The following PRMT9 variants were observed in gnomAD, a reference collection of about 807,000 sequenced individuals.
PRMT9 encodes protein arginine methyltransferase 9.
In PRMT9, 59 loss-of-function variants were observed where a neutral mutation model predicts 83.2. The observed-to-expected ratio is 0.71, with a 90% CI of 0.57 to 0.88. PRMT9 has a LOEUF of 0.88. Ranked by LOEUF, PRMT9 falls within the 40% of genes least tolerant of loss-of-function variation. The pLI is 0.00. For missense variants in PRMT9, 947 were observed against 1,021.9 expected (o/e 0.93, Z 1.00); for synonymous variants, 333 against 353.2 (o/e 0.94, Z 0.64).
intron 1 of PRMT9, among the ~76,000 whole-genome samples, chr4:147,680,998 T>C (rs573354636): frequency 2.2e-4 from 33 of 152,340 alleles, no homozygotes; most frequent in African/African-American, 7.5e-4. Flanking sequence ...ACAATCCTTG[T>C]GCAAAGAACT....
rs761553983 is a variant in PRMT9, at chr4:147,668,542, T to A, written c.950A>T (p.His317Leu). Reference sequence around the variant, plus strand: ...GAAAATGGACTAATACACTTACCTATGATGTCTTCTTATCTCTGCACATTC... The same window carrying A: ...GAAAATGGACTAATACACTTACCTAAGATGTCTTCTTATCTCTGCACATTC... Reference protein sequence around the residue: ...AVECAEIRRHHRVGIKDIAGI... With the variant: ...AVECAEIRRHLRVGIKDIAGI... The change falls in exon 6 of 12, where the codon CAT becomes CTT. Residue 317 changes from histidine to leucine, a missense_variant. Physicochemically the swap from His to Leu is moderately conservative, Grantham distance 99 (BLOSUM62 -3). Coordinates refer to ENST00000322396, the MANE Select transcript of PRMT9 (RefSeq NM_138364.4). 1 of 1,559,428 alleles carries A rather than the reference T, an allele frequency of 6.4e-7. No individual in the cohort carries two copies. Among genetic ancestry groups the A allele is most frequent in the Non-Finnish European group, 8.8e-7 (1 of 1,132,082 alleles).
intron 10 of PRMT9, among the ~76,000 whole-genome samples, chr4:147,640,559 C>T (rs1486729517): frequency 1.3e-5 from 2 of 152,124 alleles, no homozygotes; most frequent in African/African-American, 4.8e-5. Flanking sequence ...CAGCCCAGAG[C>T]TTTCTCTGAA....
intron 2 of PRMT9, among the ~76,000 whole-genome samples, chr4:147,676,841 C>A (rs1578939176): frequency 6.6e-6 from 1 of 151,972 alleles, no homozygotes; most frequent in Non-Finnish European, 1.5e-5. Context: ...GTCAGGAGGT[C>A]GAGACCAGCC....
chr4:147,656,417 C>A (rs1167035291), intron 8 of PRMT9, among the ~76,000 whole-genome samples: 1 of 151,890 alleles, frequency 6.6e-6, no homozygotes, highest in Non-Finnish European at 1.5e-5. Flanking sequence ...CTCAGTGCCC[C>A]AAGTAGCTGG....
At chr4:147,651,748 A>C (rs917226987) in intron 9 of PRMT9, among the ~76,000 whole-genome samples, 2 of 152,198 alleles carry the variant, frequency 1.3e-5, no homozygotes, top group Non-Finnish European at 2.9e-5. Flanking sequence ...GTATGATTTC[A>C]CTTGTTTGAG....
intron 1 of PRMT9, among the ~76,000 whole-genome samples, chr4:147,680,849 T>C (rs1736419118): frequency 6.6e-6 from 1 of 152,260 alleles, no homozygotes; most frequent in Admixed American, 6.5e-5. Flanking sequence ...CATGTGTTAA[T>C]GGATGCTACA....
At chr4:147,672,748 GC>G (rs1470078166) in intron 4 of PRMT9, among the ~76,000 whole-genome samples, 1 of 151,900 alleles carries the variant, frequency 6.6e-6, no homozygotes, top group Non-Finnish European at 1.5e-5. Context: ...TTGATCCCTT[GC>G]CACAAATTTT....
At chr4:147,680,217 T>G (rs1736373490) in intron 2 of PRMT9, 106 bp downstream of exon 2, 1 of 1,035,578 alleles carries the variant, frequency 9.7e-7, no homozygotes, top group Admixed American at 1.8e-5. Context: ...TTCTCCTTAA[T>G]AATTCTCCAT....
intron 2 of PRMT9, among the ~76,000 whole-genome samples, chr4:147,678,468 C>T (rs906012335): frequency 6.6e-6 from 1 of 152,188 alleles, no homozygotes; most frequent in Non-Finnish European, 1.5e-5. Context: ...GAATTCTTCA[C>T]GCACATGTAC....
At chr4:147,643,839 T>C (rs962354944) in intron 9 of PRMT9, among the ~76,000 whole-genome samples, 7 of 151,828 alleles carry the variant, frequency 4.6e-5, no homozygotes, top group African/African-American at 1.4e-4. Flanking sequence ...TACAAATAAA[T>C]AAACTAGCCA....
At chr4:147,664,710 G>A (rs1001009011) in intron 6 of PRMT9, among the ~76,000 whole-genome samples, 2 of 152,052 alleles carry the variant, frequency 1.3e-5, no homozygotes, top group African/African-American at 4.8e-5. Flanking sequence ...CCTAGATGAT[G>A]GGTTGATAGG....
chr4:147,661,419 A>G (rs1158567407), intron 6 of PRMT9: 1 of 175,574 alleles, frequency 5.7e-6, no homozygotes, highest in Non-Finnish European at 1.2e-5. Flanking sequence ...ACACTTCACC[A>G]AAGAACATAT....
chr4:147,660,049 C>T (rs569781386), intron 7 of PRMT9, among the ~76,000 whole-genome samples: 46 of 152,304 alleles, frequency 3.0e-4, no homozygotes, highest in South Asian at 1.7e-3. Context: ...CACCATAATG[C>T]ACATACAACC....
intron 9 of PRMT9, among the ~76,000 whole-genome samples, chr4:147,653,357 G>A (rs1409710373): frequency 5.9e-5 from 9 of 151,898 alleles, no homozygotes; most frequent in African/African-American, 1.2e-4. Flanking sequence ...CAGGAGAATC[G>A]TTTGAACCCA....
chr4:147,681,423 A>G (rs898058427), intron 1 of PRMT9, among the ~76,000 whole-genome samples: 2 of 152,236 alleles, frequency 1.3e-5, no homozygotes, highest in Non-Finnish European at 2.9e-5. Context: ...TCATCTTCAC[A>G]TATTTTATAC....
chr4:147,662,287 C>T (rs1249718073), intron 6 of PRMT9, among the ~76,000 whole-genome samples: 3 of 152,192 alleles, frequency 2.0e-5, no homozygotes, highest in Admixed American at 6.5e-5. Flanking sequence ...ACAAGCAACA[C>T]TAATCTACGG....
rs539568158 is a variant in PRMT9 at position 147,670,529 on chromosome 4, T to G, written c.846+112A>C. On this transcript the variant is annotated intron_variant, in intron 5 of 11. Coordinates refer to ENST00000322396, the MANE Select transcript of PRMT9 (RefSeq NM_138364.4). Reference sequence around the variant, plus strand: ...TTTCCAACCACACAGTATGTACACCTTGGCAATGGAAAATATATTTCATAT... The same window carrying G: ...TTTCCAACCACACAGTATGTACACCGTGGCAATGGAAAATATATTTCATAT... 9 of 853,356 alleles carry G rather than the reference T, an allele frequency of 1.1e-5. No homozygotes were observed. The South Asian group carries it at 1.2e-4, about 12-fold the overall frequency. The allele number at this position is 853,356 out of a possible 1,614,324, so 52.9% of individuals were successfully genotyped here. A position where few individuals can be genotyped will look rare whatever the true frequency, so the allele number is the denominator to read the frequency against.
chr4:147,651,593 T>G (rs1429211597), intron 9 of PRMT9, among the ~76,000 whole-genome samples: 1 of 152,172 alleles, frequency 6.6e-6, no homozygotes, highest in Non-Finnish European at 1.5e-5. Context: ...TTCTCCAAAC[T>G]ATGTACAAAT....
Position 147,653,923 on chromosome 4 carries a change from T to C in PRMT9, c.1974A>G (p.Ile658Met), listed in dbSNP as rs760795444. The C allele has an allele frequency of 1.9e-6, 3 of 1,614,206 alleles. No homozygotes were observed. Among genetic ancestry groups the C allele is most frequent in the Non-Finnish European group, 2.5e-6 (3 of 1,180,034 alleles). Residue 658 changes from isoleucine (I) to methionine (M), a missense_variant, in exon 9 of 12, where the codon ATA (isoleucine) becomes ATG (methionine). Transcript: ENST00000322396. ...QRPKSDKLWSIIILDVIEPSG... is the reference protein window; with the variant it reads ...QRPKSDKLWSMIILDVIEPSG... ...ATGGCTCAATGACATCCAATATAAT[T>C]ATGCTCCATAACTTGTCTGATTTTG... is the stretch of plus-strand genomic sequence containing the variant.
Sources: gnomAD v4.1 joint callset for allele counts (sites outside exome capture counted in the v4.1 genomes callset) on GRCh38, gnomAD v4.1.1 for gene constraint, MANE v1.5 for transcripts, NCBI Gene and HGNC (gene_info 2026-07-23, HGNC 2026-07-21) for gene names.